RAP1GAP: variants seen among roughly 807,000 people sequenced by gnomAD.
The protein encoded by RAP1GAP is rap1 GTPase-activating protein 1.
RAP1GAP carries 35 observed loss-of-function variants against 87.2 expected under a neutral mutation model. The ratio of observed to expected loss-of-function variants is 0.40; its 90% CI spans 0.31 to 0.53. The LOEUF (loss-of-function observed/expected upper bound fraction) is 0.53. RAP1GAP is among the 20% of genes least tolerant of loss of function. The pLI is 0.48. For synonymous variants in RAP1GAP, 375 were observed against 363.9 expected (o/e 1.03, Z -0.35); for missense variants, 734 against 898.9 (o/e 0.82, Z 2.35).
At chr1:21,599,180 T>C (rs1174917259) in intron 21 of RAP1GAP, among the ~76,000 whole-genome samples, 2 of 152,048 alleles carry the variant, frequency 1.3e-5, no homozygotes, top group Non-Finnish European at 2.9e-5. Flanking sequence ...GGGCCAGGGG[T>C]GCAGTGAGCC....
rs2076568412 is a variant in RAP1GAP, at chr1:21,609,027, C to CTCCT, written c.1072-95_1072-92dup. On this transcript the variant is annotated intron_variant, in intron 15 of 24. Coordinates refer to ENST00000374765, the MANE Select transcript of RAP1GAP (RefSeq NM_002885.4). The surrounding 1 kb of genome is among the most constrained non-coding windows in gnomAD (Gnocchi z 4.4). ...AACCCCAACGAGGCAGAGGCTGCAG[C>CTCCT]TCCTGAACCATGCTCTGCTGGGGCC... 1 of 1,091,392 alleles carries CTCCT rather than the reference C, an allele frequency of 9.2e-7. No homozygotes were observed. The highest frequency in any genetic ancestry group is 2.4e-5 in the East Asian group (1 of 41,840). 67.6% of individuals were successfully genotyped at this position (1,091,392 alleles called of 1,614,324 possible). A position where few individuals can be genotyped will look rare whatever the true frequency, so the allele number is the denominator to read the frequency against.
intron 2 of RAP1GAP, among the ~76,000 whole-genome samples, chr1:21,642,743 T>C (rs2095637102): frequency 6.6e-6 from 1 of 152,100 alleles, no homozygotes. Flanking sequence ...GCTGTCTCTC[T>C]TCCCTTCACC....
At chr1:21,629,775 ACCT>A (rs1248485612) in intron 2 of RAP1GAP, among the ~76,000 whole-genome samples, 2 of 152,028 alleles carry the variant, frequency 1.3e-5, no homozygotes, top group African/African-American at 4.8e-5. Context: ...ATGTTCAGAA[ACCT>A]CCTGCTTTCC....
chr1:21,598,895 T>C (rs2788642), intron 21 of RAP1GAP, among the ~76,000 whole-genome samples: 139,082 of 152,362 alleles, frequency 0.91, 63,493 homozygotes, highest in East Asian at 0.97. Flanking sequence ...TTCCCAGCTG[T>C]ATCTGTTGTA....
At chr1:21,597,507 G>A (rs1192025186) in intron 24 of RAP1GAP, among the ~76,000 whole-genome samples, 179 bp downstream of exon 24, 1 of 152,222 alleles carries the variant, frequency 6.6e-6, no homozygotes, top group Non-Finnish European at 1.5e-5. Context: ...AAGGGCAGAG[G>A]TCACGGGGAA....
intron 7 of RAP1GAP, among the ~76,000 whole-genome samples, chr1:21,616,132 T>G (rs1165362260): frequency 1.2e-5 from 1 of 84,674 alleles, no homozygotes; most frequent in African/African-American, 4.6e-5. Flanking sequence ...CACCCCCTCT[T>G]CCCAACACAC....
At position 21,611,460 on chromosome 1, in the gene RAP1GAP, C is replaced by G; in HGVS notation, c.835G>C (p.Ala279Pro). ...GGGGGTGCCCAGGCTACCTGCTGGG[C>G]GTCCCCTTCCGTGTATGGCAGCTTG... ...STKLPYTEGD[A>P]QQLQRKRHIG... The change falls in exon 13 of 25, where the codon GCC (alanine) becomes CCC (proline). Residue 279 changes from alanine (A) to proline (P), a missense_variant. This residue lies in a region of RAP1GAP where 485 missense variants were observed against 646.2 expected (regional missense o/e 0.75). Coordinates refer to ENST00000374765, the MANE Select transcript of RAP1GAP (RefSeq NM_002885.4). The G allele has an allele frequency of 6.2e-7, 1 of 1,613,526 alleles. No homozygotes were observed. Among genetic ancestry groups the G allele is most frequent in the Non-Finnish European group, 8.5e-7 (1 of 1,179,764 alleles).
chr1:21,624,314 C>T (rs972144932), intron 3 of RAP1GAP, among the ~76,000 whole-genome samples: 8 of 152,182 alleles, frequency 5.3e-5, no homozygotes, highest in African/African-American at 1.9e-4. Flanking sequence ...GCTCAGCTTC[C>T]TAATTTCTAC....
intron 2 of RAP1GAP, among the ~76,000 whole-genome samples, chr1:21,643,887 A>G (rs933695312): frequency 6.6e-6 from 1 of 152,212 alleles, no homozygotes; most frequent in Admixed American, 6.5e-5. Context: ...ACCTAACAGA[A>G]CTCAAATATT....
rs926410123 is a variant in RAP1GAP at position 21,637,310 on chromosome 1, C to A, written c.-112-10913G>T. ...TAGCTGGGACCACAGGTGCATGCCA[C>A]CACATCCGGCTAATTTTTTTTTTTT... is the stretch of plus-strand genomic sequence containing the variant. On this transcript the variant is annotated intron_variant, in intron 2 of 24. Transcript: ENST00000374765. Among the ~76,000 whole-genome samples the A allele has an allele frequency of 9.7e-5, 8 of 82,844 alleles. No individual in the cohort carries two copies. The Admixed American group carries it at 9.8e-4, about 10-fold the overall frequency. 54.3% of individuals were successfully genotyped at this position (82,844 alleles called of 152,430 possible). A position where few individuals can be genotyped will look rare whatever the true frequency, so the allele number is the denominator to read the frequency against.
At chr1:21,666,963 T>G (rs2097374137) in intron 1 of RAP1GAP, among the ~76,000 whole-genome samples, 1 of 151,990 alleles carries the variant, frequency 6.6e-6, no homozygotes, top group Non-Finnish European at 1.5e-5. Flanking sequence ...TCTCAGTGCT[T>G]GTGTGTCAGG....
At chr1:21,656,793 A>T (rs888122581) in intron 1 of RAP1GAP, among the ~76,000 whole-genome samples, 1 of 152,242 alleles carries the variant, frequency 6.6e-6, no homozygotes, top group South Asian at 2.1e-4. Flanking sequence ...TGGCCTGGCC[A>T]GAATACCTGC....
intron 17 of RAP1GAP, 105 bp downstream of exon 17, chr1:21,608,108 C>T: frequency 6.7e-7 from 1 of 1,503,178 alleles, no homozygotes; most frequent in East Asian, 2.3e-5. Context: ...CCCCTTCTGC[C>T]AGACTCCACC....
chr1:21,632,620 C>A (rs1292711216), intron 2 of RAP1GAP, among the ~76,000 whole-genome samples: 1 of 152,186 alleles, frequency 6.6e-6, no homozygotes, highest in East Asian at 1.9e-4. Flanking sequence ...CAGGGTCAGC[C>A]CAGGCTCAGT....
intron 3 of RAP1GAP, among the ~76,000 whole-genome samples, chr1:21,621,462 T>C (rs1439835425): frequency 6.6e-6 from 1 of 152,154 alleles, no homozygotes; most frequent in Non-Finnish European, 1.5e-5. Context: ...CCCATATAAA[T>C]GTGCACACTG....
At chr1:21,645,781 C>T (rs998768243) in intron 2 of RAP1GAP, among the ~76,000 whole-genome samples, 4 of 152,238 alleles carry the variant, frequency 2.6e-5, no homozygotes, top group Non-Finnish European at 5.9e-5. Flanking sequence ...GCCCAGCGGG[C>T]TGTGCCTGCT....
At chr1:21,633,399 TG>T (rs910003621) in intron 2 of RAP1GAP, among the ~76,000 whole-genome samples, 3 of 152,184 alleles carry the variant, frequency 2.0e-5, no homozygotes, top group African/African-American at 7.2e-5. Context: ...CCCCCTCTGC[TG>T]GGGGTGCCTT....
At chr1:21,617,803 C>T (rs115641764) in intron 6 of RAP1GAP, 131 bp downstream of exon 6, 47,926 of 1,329,124 alleles carry the variant, frequency 0.036, 1,131 homozygotes, top group Non-Finnish European at 0.042. Context: ...CTTGGGCCTG[C>T]AAATTAAGTC....
chr1:21,596,609 G>A lies in RAP1GAP; in HGVS notation c.*690C>T. The A allele has an allele frequency of 6.6e-6, 1 of 152,472 alleles. No homozygotes were observed. The highest frequency in any genetic ancestry group is 1.5e-5 in the Non-Finnish European group (1 of 68,118). 9.4% of individuals were successfully genotyped at this position (152,472 alleles called of 1,614,324 possible). A position where few individuals can be genotyped will look rare whatever the true frequency, so the allele number is the denominator to read the frequency against. The stretch of plus-strand genomic sequence containing the variant: ...CTGGAGGGTCCAGGAGGCATACTGG[G>A]CACAGCCGGCTCCCTGCCCCTCAGC... On this transcript the variant is annotated 3_prime_UTR_variant, in exon 25 of 25. Coordinates refer to ENST00000374765, the MANE Select transcript of RAP1GAP (RefSeq NM_002885.4).
Sources: allele counts gnomAD v4.1 joint callset (sites outside exome capture counted in the v4.1 genomes callset), GRCh38; gene constraint gnomAD v4.1.1; regional missense constraint gnomAD v4.1.1; non-coding constraint Gnocchi (gnomAD v3.1); transcripts MANE v1.5; gene names NCBI Gene and HGNC (gene_info 2026-07-23, HGNC 2026-07-21).